ANK3: variants seen among roughly 807,000 people sequenced by gnomAD.
ANK3 encodes ankyrin-3.
ANK3 carries 57 observed loss-of-function variants against 370.9 expected under a neutral mutation model. That is an observed-to-expected ratio of 0.15 (90% CI 0.12 to 0.19). ANK3 has a LOEUF of 0.19. Among genes scored for constraint, ANK3 ranks in the 10% least tolerant of loss-of-function variants. The pLI, the probability that ANK3 is intolerant of heterozygous loss-of-function variation, is 1.00. For synonymous variants in ANK3, 1,929 were observed against 1,946.3 expected (o/e 0.99, Z 0.23); for missense variants, 4,439 against 5,302.1 (o/e 0.84, Z 5.06).
intron 28 of ANK3, among the ~76,000 whole-genome samples, chr10:60,104,408 A>G (rs1280164129): frequency 6.8e-6 from 1 of 148,080 alleles, no homozygotes; most frequent in Non-Finnish European, 1.5e-5. Flanking sequence ...AAAGAAAGAA[A>G]GAAAAGAAAA....
intron 1 of ANK3, among the ~76,000 whole-genome samples, chr10:60,306,171 T>G (rs908475511): frequency 3.9e-5 from 6 of 152,028 alleles, no homozygotes; most frequent in African/African-American, 1.2e-4. Context: ...CAGTATGCAG[T>G]GTACCCAATT....
rs2083659735 is a variant in ANK3, at chr10:60,075,783, G to A, written c.5098C>T (p.Leu1700Phe). 6.2e-7 allele frequency: 1 copy of A among 1,614,180 alleles called. No homozygotes were observed. Among genetic ancestry groups the A allele is most frequent in the East Asian group, 2.2e-5 (1 of 44,888 alleles). The change falls in exon 37 of 44, where the codon CTC (leucine) becomes TTC (phenylalanine). Residue 1700 changes from leucine (L) to phenylalanine (F), a missense_variant. Leu to Phe is a conservative substitution (Grantham distance 22). Transcript: ENST00000280772. ...SSAKITMASSLSSPVKQMPGH... is the reference protein window; with the variant it reads ...SSAKITMASSFSSPVKQMPGH... ...GGCATCTGCTTCACAGGTGATGAGA[G>A]AGAAGATGCCATTGTAATTTTGGCT... is the stretch of plus-strand genomic sequence containing the variant.
At position 60,027,299 on chromosome 10, in the gene ANK3, T is replaced by TGTTTG. The variant is rs1564474991; in HGVS notation, c.*2546_*2547insCAAAC. On this transcript the variant is annotated 3_prime_UTR_variant, in exon 44 of 44. Transcript: ENST00000280772. ...CATTTTGGGAAAGTTTTTTTTTTTT[T>TGTTTG]TTTTTTTTAAAAAAAAAACCTCTCA... The TGTTTG allele has an allele frequency of 6.7e-6, 1 of 149,478 alleles. No homozygotes were observed. Among genetic ancestry groups the TGTTTG allele is most frequent in the African/African-American group, 2.5e-5 (1 of 40,448 alleles). 9.3% of individuals were successfully genotyped at this position (149,478 alleles called of 1,614,324 possible).
chr10:60,143,763 T>C (rs1227106187), intron 23 of ANK3, among the ~76,000 whole-genome samples: 2 of 152,212 alleles, frequency 1.3e-5, no homozygotes, highest in African/African-American at 4.8e-5. Context: ...ACAGTAAAAT[T>C]TGGCAAAGTG....
chr10:60,152,906 G>A (rs1263433344), intron 23 of ANK3, among the ~76,000 whole-genome samples: 1 of 151,912 alleles, frequency 6.6e-6, no homozygotes, highest in Non-Finnish European at 1.5e-5. Context: ...TACAAGCATA[G>A]TTTATTGTCA....
rs145037770 is a variant in ANK3, at chr10:60,588,865, G to A, written c.96+26321C>T. ...GTTGAGGCTGCAGTGAGCCATGTTC[G>A]CGCCACTGGACTCCAGCCTGGAAGG... On this transcript the variant is annotated intron_variant, in intron 2 of 43. Transcript: ENST00000373827. Among the ~76,000 whole-genome samples, 8 of 152,192 alleles carry A rather than the reference G, an allele frequency of 5.3e-5. No individual in the cohort carries two copies. In the East Asian group the frequency reaches 1.4e-3, roughly 26 times the overall value.
intron 43 of ANK3, among the ~76,000 whole-genome samples, chr10:60,030,098 T>C (rs528432518): frequency 4.7e-4 from 71 of 151,944 alleles, no homozygotes; most frequent in Admixed American, 3.2e-3. Flanking sequence ...AGAGCCTTGC[T>C]TATTATTGTA....
intron 1 of ANK3, among the ~76,000 whole-genome samples, chr10:60,632,179 T>C (rs2078492747): frequency 2.5e-5 from 2 of 80,112 alleles, no homozygotes; most frequent in East Asian, 2.9e-4. Flanking sequence ...AAAAATACCA[T>C]TTAATGTTAT....
At chr10:60,183,629 C>T (rs919033542) in intron 17 of ANK3, among the ~76,000 whole-genome samples, 3 of 152,004 alleles carry the variant, frequency 2.0e-5, no homozygotes, top group Non-Finnish European at 4.4e-5. Flanking sequence ...GAGGCCAAGG[C>T]GGACGGATCC....
chr10:60,277,639 A>G (rs958927312), intron 4 of ANK3, among the ~76,000 whole-genome samples: 4 of 152,188 alleles, frequency 2.6e-5, no homozygotes, highest in Non-Finnish European at 4.4e-5. Context: ...CTAACAGGAA[A>G]TCATCCTAAC....
intron 2 of ANK3, among the ~76,000 whole-genome samples, chr10:60,547,211 C>T (rs945320076): frequency 6.6e-6 from 1 of 151,304 alleles, no homozygotes; most frequent in Non-Finnish European, 1.5e-5. Flanking sequence ...CTGCCTCAGC[C>T]TTCTGAGTAG....
At chr10:60,582,684 T>C (rs1024056763) in intron 2 of ANK3, among the ~76,000 whole-genome samples, 7 of 149,736 alleles carry the variant, frequency 4.7e-5, no homozygotes, top group African/African-American at 1.7e-4. Flanking sequence ...AAAATATAAA[T>C]ATATTGATTC....
chr10:60,191,155 T>C (rs1191237206), intron 16 of ANK3, among the ~76,000 whole-genome samples: 2 of 152,050 alleles, frequency 1.3e-5, no homozygotes, highest in Non-Finnish European at 2.9e-5. Flanking sequence ...TAAGAAAAAC[T>C]CTTTTGGGCA....
At chr10:60,442,806 A>G (rs1207728960) in intron 2 of ANK3, among the ~76,000 whole-genome samples, 2 of 152,222 alleles carry the variant, frequency 1.3e-5, no homozygotes, top group African/African-American at 2.4e-5. Flanking sequence ...CACAAACTCT[A>G]TGCAGCAGTT....
At chr10:60,313,256 G>A (rs921396181) in intron 1 of ANK3, among the ~76,000 whole-genome samples, 32 of 152,284 alleles carry the variant, frequency 2.1e-4, no homozygotes, top group Middle Eastern at 3.4e-3. Context: ...AGAGTTTGGA[G>A]ATTCAATCAA....
intron 1 of ANK3, among the ~76,000 whole-genome samples, chr10:60,729,588 T>C (rs991234565): frequency 2.0e-4 from 30 of 152,300 alleles, no homozygotes; most frequent in Non-Finnish European, 4.0e-4. Context: ...CTTAACATCA[T>C]CTGAAAATGA....
At chr10:60,544,920 G>A (rs1263805437) in intron 2 of ANK3, among the ~76,000 whole-genome samples, 1 of 64,600 alleles carries the variant, frequency 1.5e-5, no homozygotes, top group Non-Finnish European at 3.4e-5. Context: ...ACTTGCTAGT[G>A]AATTAATCAT....
At chr10:60,696,676 GA>G (rs1416587329) in intron 1 of ANK3, among the ~76,000 whole-genome samples, 2 of 148,988 alleles carry the variant, frequency 1.3e-5, no homozygotes, top group East Asian at 3.9e-4. Flanking sequence ...AATAGATGCA[GA>G]AAAGGCCTTT....
At chr10:60,232,494 A>G (rs1480622716) in intron 8 of ANK3, among the ~76,000 whole-genome samples, 1 of 152,198 alleles carries the variant, frequency 6.6e-6, no homozygotes, top group Non-Finnish European at 1.5e-5. Flanking sequence ...CAATGGTTCT[A>G]GCATTCTTTA....
Sources: allele counts gnomAD v4.1 joint callset (sites outside exome capture counted in the v4.1 genomes callset), GRCh38; gene constraint gnomAD v4.1.1; transcripts MANE v1.5; gene names NCBI Gene and HGNC (gene_info 2026-07-23, HGNC 2026-07-21).